UBASH3B: variants seen among roughly 807,000 people sequenced by gnomAD.
UBASH3B encodes ubiquitin associated and SH3 domain containing B.
UBASH3B carries 37 observed loss-of-function variants against 83.4 expected under a neutral mutation model. The ratio of observed to expected loss-of-function variants is 0.44; its 90% CI spans 0.34 to 0.58. The LOEUF (loss-of-function observed/expected upper bound fraction) is 0.58, where lower values mean the gene tolerates loss of function less well. UBASH3B is among the 20% of genes least tolerant of loss of function. UBASH3B has a pLI of 0.01. For missense variants in UBASH3B, 657 were observed against 827.2 expected, an observed-to-expected ratio of 0.79 and a Z score of 2.52; for synonymous variants, 304 against 318.3, an observed-to-expected ratio of 0.96 and a Z score of 0.48.
chr11:122,677,092 T>C (rs1392729190), intron 1 of UBASH3B, among the ~76,000 whole-genome samples: 1 of 152,226 alleles, frequency 6.6e-6, no homozygotes, highest in East Asian at 1.9e-4. Context: ...AAATTGCATG[T>C]GTACTGAACA....
At chr11:122,677,208 T>C (rs889579248) in intron 1 of UBASH3B, among the ~76,000 whole-genome samples, 4 of 152,212 alleles carry the variant, frequency 2.6e-5, no homozygotes, top group Non-Finnish European at 4.4e-5. Context: ...AGAGATGATT[T>C]AAAGTACACA....
chr11:122,708,347 A>G (rs1309467031), intron 1 of UBASH3B, among the ~76,000 whole-genome samples: 1 of 143,218 alleles, frequency 7.0e-6, no homozygotes. Context: ...GCTGGAGTGC[A>G]GTGGCACAAT....
intron 1 of UBASH3B, among the ~76,000 whole-genome samples, chr11:122,761,779 C>CTTTTTTTTT (rs138806467): frequency 1.5e-5 from 1 of 65,380 alleles, no homozygotes. Flanking sequence ...CTCCCAGATC[C>CTTTTTTTTT]TTTTTTTTTT....
At chr11:122,690,291 T>G (rs1863878154) in intron 1 of UBASH3B, among the ~76,000 whole-genome samples, 1 of 117,750 alleles carries the variant, frequency 8.5e-6, no homozygotes, top group South Asian at 2.5e-4. Context: ...TACATATATA[T>G]ATCTCCAATT....
intron 1 of UBASH3B, among the ~76,000 whole-genome samples, chr11:122,691,330 T>A (rs1863893325): frequency 6.6e-6 from 1 of 152,240 alleles, no homozygotes; most frequent in Admixed American, 6.5e-5. Context: ...TGAAGCTGGC[T>A]TTTGTAGGTT....
At chr11:122,678,714 G>A (rs1208638196) in intron 1 of UBASH3B, among the ~76,000 whole-genome samples, 1 of 152,154 alleles carries the variant, frequency 6.6e-6, no homozygotes, top group Non-Finnish European at 1.5e-5. Flanking sequence ...AATCTCTTAA[G>A]AGTTTCAGAC....
chr11:122,680,180 G>C (rs921865455), intron 1 of UBASH3B, among the ~76,000 whole-genome samples: 2 of 152,198 alleles, frequency 1.3e-5, no homozygotes, highest in Middle Eastern at 3.2e-3. Context: ...CTCACAGGCT[G>C]TACAAAAGCA....
intron 1 of UBASH3B, among the ~76,000 whole-genome samples, chr11:122,698,430 C>A (rs1229719753): frequency 6.6e-6 from 1 of 152,130 alleles, no homozygotes; most frequent in African/African-American, 2.4e-5. Context: ...TACATTTTCT[C>A]CCCACCTTGC....
At chr11:122,749,169 C>T (rs1004309543) in intron 1 of UBASH3B, among the ~76,000 whole-genome samples, 2 of 152,240 alleles carry the variant, frequency 1.3e-5, no homozygotes, top group Non-Finnish European at 2.9e-5. Context: ...TGGCTGTCAT[C>T]AGAAGCCCTC....
chr11:122,796,916 T>A lies in UBASH3B; in HGVS notation c.1240T>A (p.Tyr414Asn), dbSNP rs945646467. 1.2e-6 allele frequency: 2 copies of A among 1,614,050 alleles called. No individual in the cohort carries two copies. The highest frequency in any genetic ancestry group is 1.7e-6 in the Non-Finnish European group (2 of 1,180,028). Residue 414 changes from tyrosine (Y) to asparagine (N), a missense_variant, in exon 9 of 14, where the codon TAC (tyrosine) becomes AAC (asparagine). Transcript: ENST00000284273. ...LSQCFDAKGR[Y>N]IRTNLNMPHS... is the part of the protein sequence containing the mutation. Reference sequence around the variant, plus strand: ...CTAACCTCTTTGTTTTTCAGGCCGCTACATACGCACCAACCTGAACATGCC... The same window carrying A: ...CTAACCTCTTTGTTTTTCAGGCCGCAACATACGCACCAACCTGAACATGCC...
intron 1 of UBASH3B, among the ~76,000 whole-genome samples, chr11:122,701,970 C>T (rs149928898): frequency 6.4e-4 from 98 of 152,274 alleles, no homozygotes; most frequent in African/African-American, 2.2e-3. Flanking sequence ...CCTCCTGCCT[C>T]GGCCTCCCAA....
chr11:122,791,430 A>G (rs1322342568), intron 6 of UBASH3B, among the ~76,000 whole-genome samples: 1 of 152,224 alleles, frequency 6.6e-6, no homozygotes, highest in African/African-American at 2.4e-5. Context: ...CATGGTTCAG[A>G]GTCTGGTGTA....
At position 122,801,202 on chromosome 11, in the gene UBASH3B, A is replaced by G. The variant is rs765961992; in HGVS notation, c.1465A>G (p.Asn489Asp). The G allele has an allele frequency of 6.2e-7, 1 of 1,614,198 alleles. No individual in the cohort carries two copies. The highest frequency in any genetic ancestry group is 8.5e-7 in the Non-Finnish European group (1 of 1,180,012). Residue 489 changes from asparagine (N) to aspartate (D), a missense_variant, in exon 11 of 14, where the codon AAT (asparagine) becomes GAT (aspartate). This residue lies in a region of UBASH3B where 573 missense variants were observed against 739.0 expected (regional missense o/e 0.78). Transcript: ENST00000284273. ...TTACCCCTAAGGTTTACAACAAGAA[A>G]ATCACTTGAAGATCCGTGTAGAGCC... ...HNILKGLQQE[N>D]HLKIRVEPGL...
At chr11:122,804,829 C>G (rs1467320605) in intron 11 of UBASH3B, among the ~76,000 whole-genome samples, 2 of 152,116 alleles carry the variant, frequency 1.3e-5, no homozygotes, top group Non-Finnish European at 2.9e-5. Flanking sequence ...TGAAAATTGA[C>G]AAAATAAGAA....
At chr11:122,688,904 A>G (rs956955230) in intron 1 of UBASH3B, among the ~76,000 whole-genome samples, 6 of 151,550 alleles carry the variant, frequency 4.0e-5, no homozygotes, top group African/African-American at 1.2e-4. Flanking sequence ...TGGGCCTCCA[A>G]AAGTGCTGGG....
rs115222679 is a variant in UBASH3B at position 122,728,746 on chromosome 11, C to A, written c.162-47473C>A. Among the ~76,000 whole-genome samples, 322 of 152,312 alleles carry A rather than the reference C, an allele frequency of 2.1e-3. 2 individuals are homozygous for A. The highest frequency in any genetic ancestry group is 7.5e-3 in the African/African-American group (313 of 41,574). ...CTGGTGATGACAAAATCTGATAGAG[C>A]CCCTCCCCTTAAACAGTTTATCATC... On this transcript the variant is annotated intron_variant, in intron 1 of 13. Coordinates refer to ENST00000284273, the MANE Select transcript of UBASH3B (RefSeq NM_032873.5).
intron 1 of UBASH3B, among the ~76,000 whole-genome samples, chr11:122,710,680 G>T (rs1008257508): frequency 5.3e-5 from 8 of 152,168 alleles, no homozygotes; most frequent in African/African-American, 1.9e-4. Context: ...AGTGGTATAG[G>T]GGGTGGAAGC....
At chr11:122,808,679 T>C (rs1861383564) in intron 13 of UBASH3B, among the ~76,000 whole-genome samples, 2 of 152,232 alleles carry the variant, frequency 1.3e-5, no homozygotes, top group African/African-American at 2.4e-5. Flanking sequence ...TTTCTGTGCC[T>C]GTGGGAGAGG....
intron 1 of UBASH3B, among the ~76,000 whole-genome samples, chr11:122,710,404 C>T (rs570275798): frequency 5.3e-5 from 8 of 152,286 alleles, no homozygotes; most frequent in African/African-American, 1.9e-4. Context: ...ATTGTGCTGC[C>T]TTCTGCACAC....
Sources: allele counts gnomAD v4.1 joint callset (sites outside exome capture counted in the v4.1 genomes callset), GRCh38; gene constraint gnomAD v4.1.1; regional missense constraint gnomAD v4.1.1; transcripts MANE v1.5; gene names NCBI Gene and HGNC (gene_info 2026-07-23, HGNC 2026-07-21).